CACNA1A: variants seen among roughly 807,000 people sequenced by gnomAD.
CACNA1A encodes the protein calcium voltage-gated channel subunit alpha1 A.
Under a neutral mutation model 262.4 loss-of-function variants are expected in CACNA1A, and 57 were observed. That is an observed-to-expected ratio of 0.22 (90% CI 0.18 to 0.27). The LOEUF is 0.27. Among genes scored for constraint, CACNA1A ranks in the 10% least tolerant of loss-of-function variants. The pLI is 1.00. For synonymous variants in CACNA1A, 1,431 were observed against 1,419.3 expected, an observed-to-expected ratio of 1.01 and a Z score of -0.18; for missense variants, 2,526 against 3,562.8, an observed-to-expected ratio of 0.71 and a Z score of 7.41.
chr19:13,495,469 TG>T (rs1201644746), intron 1 of CACNA1A, among the ~76,000 whole-genome samples: 1 of 152,160 alleles, frequency 6.6e-6, no homozygotes, highest in Non-Finnish European at 1.5e-5. Flanking sequence ...GCTAATTTTT[TG>T]TATTTTTAGT....
At chr19:13,379,679 A>G (rs983479763) in intron 3 of CACNA1A, among the ~76,000 whole-genome samples, 9 of 152,128 alleles carry the variant, frequency 5.9e-5, no homozygotes, top group African/African-American at 2.2e-4. Context: ...TAATCCCAAC[A>G]CTTTGGGAGG....
At chr19:13,441,682 AAAAG>A (rs2060723532) in intron 3 of CACNA1A, among the ~76,000 whole-genome samples, 1 of 151,748 alleles carries the variant, frequency 6.6e-6, no homozygotes, top group African/African-American at 2.4e-5. Context: ...AAAAAAAAAA[AAAAG>A]AGTCTCGGTT....
At chr19:13,424,112 G>A (rs2060360368) in intron 3 of CACNA1A, among the ~76,000 whole-genome samples, 1 of 152,158 alleles carries the variant, frequency 6.6e-6, no homozygotes, top group African/African-American at 2.4e-5. Context: ...ACTTTGGGAG[G>A]CCGAGGCTGG....
chr19:13,300,801 A>G (rs1018099155), intron 17 of CACNA1A, 145 bp from the exon 18 acceptor site: 6 of 698,132 alleles, frequency 8.6e-6, no homozygotes, highest in Admixed American at 4.1e-5. Flanking sequence ...GGTACCTGCT[A>G]TTGGTTAAGT....
intron 3 of CACNA1A, among the ~76,000 whole-genome samples, chr19:13,444,445 T>C (rs1326803613): frequency 6.6e-6 from 1 of 152,178 alleles, no homozygotes; most frequent in African/African-American, 2.4e-5. Flanking sequence ...CAACTACATG[T>C]ATTTATTCAA....
intron 1 of CACNA1A, among the ~76,000 whole-genome samples, chr19:13,503,264 G>A (rs1547986): frequency 0.14 from 20,840 of 152,004 alleles, 3,128 homozygotes; most frequent in African/African-American, 0.35. Context: ...TCAGGTGAGC[G>A]GTACCCTTGT....
At chr19:13,393,386 A>G (rs536244149) in intron 3 of CACNA1A, among the ~76,000 whole-genome samples, 4 of 152,208 alleles carry the variant, frequency 2.6e-5, no homozygotes, top group Non-Finnish European at 5.9e-5. Flanking sequence ...CCATGTGCTT[A>G]AAGTTCAAAA....
chr19:13,309,592 C>G lies in CACNA1A; in HGVS notation c.1669-1064G>C, dbSNP rs200524096. Among the ~76,000 whole-genome samples the G allele has an allele frequency of 6.0e-4, 91 of 151,660 alleles. No individual in the cohort carries two copies. In the East Asian group the frequency reaches 0.016, roughly 27 times the overall value. The stretch of plus-strand genomic sequence containing the variant: ...CCTATAGTCCCAGCTACTTAGGAGG[C>G]TGAGGAGGGAGGATAGCTTGAGCCT... On this transcript the variant is annotated intron_variant, in intron 12 of 46. Coordinates refer to ENST00000360228, the MANE Select transcript of CACNA1A (RefSeq NM_001127222.2).
chr19:13,300,211 C>T (rs1362966441), intron 18 of CACNA1A, among the ~76,000 whole-genome samples: 2 of 152,206 alleles, frequency 1.3e-5, no homozygotes, highest in African/African-American at 2.4e-5. Flanking sequence ...TATTTCCCTC[C>T]CCTACTTTCT....
intron 1 of CACNA1A, among the ~76,000 whole-genome samples, chr19:13,504,410 A>G (rs139011975): frequency 3.0e-4 from 46 of 152,022 alleles, no homozygotes; most frequent in African/African-American, 8.9e-4. Flanking sequence ...CCCACCCTCA[A>G]AGTAGACCAC....
In CACNA1A at chr19:13,208,006, G is replaced by C; in HGVS notation, c.6828C>G (p.Thr2276=). Residue 2276 remains threonine (T), a synonymous_variant, in exon 47 of 47, where the codon ACC becomes ACG. Transcript: ENST00000360228. ...SGSPAPSTSG[T]STPRRGRRQL... ...GGCGGCGGCCCCGCCGCGGAGTGCT[G>C]GTACCAGATGTTGAGGGGGCTGGGC... 1 of 1,323,762 alleles carries C rather than the reference G, an allele frequency of 7.6e-7. No individual in the cohort carries two copies. The highest frequency in any genetic ancestry group is 9.6e-7 in the Non-Finnish European group (1 of 1,041,646). The allele number at this position is 1,323,762 out of a possible 1,614,324, so 82.0% of individuals were successfully genotyped here. A position where few individuals can be genotyped will look rare whatever the true frequency, so the allele number is the denominator to read the frequency against.
chr19:13,257,132 C>A, intron 28 of CACNA1A: 1 of 375,808 alleles, frequency 2.7e-6, no homozygotes, highest in Non-Finnish European at 4.8e-6. Context: ...CTTGTTACTG[C>A]GGCATAACCT....
intron 38 of CACNA1A, among the ~76,000 whole-genome samples, chr19:13,218,240 G>A (rs569186461): frequency 1.1e-4 from 16 of 152,160 alleles, no homozygotes; most frequent in African/African-American, 2.9e-4. Flanking sequence ...ACAGCCGCCC[G>A]CCGCCACGCC....
At chr19:13,437,721 A>G (rs934854602) in intron 3 of CACNA1A, among the ~76,000 whole-genome samples, 2 of 151,346 alleles carry the variant, frequency 1.3e-5, no homozygotes, top group African/African-American at 4.9e-5. Flanking sequence ...AAAAGAAACA[A>G]AAAGAGTTGG....
intron 3 of CACNA1A, among the ~76,000 whole-genome samples, chr19:13,433,651 C>T (rs2060560730): frequency 6.6e-6 from 1 of 151,766 alleles, no homozygotes; most frequent in Non-Finnish European, 1.5e-5. Flanking sequence ...ATAAGGGATG[C>T]AAAAAGCCCC....
intron 24 of CACNA1A, among the ~76,000 whole-genome samples, chr19:13,267,059 C>T (rs2056879638): frequency 6.6e-6 from 1 of 152,034 alleles, no homozygotes; most frequent in Admixed American, 6.6e-5. Context: ...GCAGCAAGGA[C>T]ACAAGGCCAC....
chr19:13,323,341 G>C lies in CACNA1A; in HGVS notation c.1346-6020C>G, dbSNP rs117244430. On this transcript the variant is annotated intron_variant, in intron 10 of 46. Coordinates refer to ENST00000360228, the MANE Select transcript of CACNA1A (RefSeq NM_001127222.2). The stretch of plus-strand genomic sequence containing the variant: ...AACAGGTGTGAGGTGATAGCTAATG[G>C]TGGTTTTGATTTGCATTTCCCTGAT... Among the ~76,000 whole-genome samples the C allele has an allele frequency of 7.0e-3, 1,059 of 152,314 alleles. 10 individuals are homozygous for C. Among genetic ancestry groups the C allele is most frequent in the South Asian group, 0.021 (101 of 4,830 alleles).
At chr19:13,270,314 T>A (rs2056985222) in intron 24 of CACNA1A, among the ~76,000 whole-genome samples, 1 of 150,634 alleles carries the variant, frequency 6.6e-6, no homozygotes, top group South Asian at 2.1e-4. Context: ...CTAATACTTG[T>A]GGGGCTCTCA....
chr19:13,442,639 T>C (rs907223546), intron 3 of CACNA1A, among the ~76,000 whole-genome samples: 2 of 152,226 alleles, frequency 1.3e-5, no homozygotes, highest in Admixed American at 1.3e-4. Flanking sequence ...TTTTACTCCC[T>C]TTTTCCAGGT....
Sources: gnomAD v4.1 joint callset for allele counts (sites outside exome capture counted in the v4.1 genomes callset) on GRCh38, gnomAD v4.1.1 for gene constraint, MANE v1.5 for transcripts, NCBI Gene and HGNC (gene_info 2026-07-23, HGNC 2026-07-21) for gene names.